ABTB2: variants seen among roughly 807,000 people sequenced by gnomAD.
ABTB2 encodes ankyrin repeat and BTB/POZ domain-containing protein 2.
ABTB2 carries 56 observed loss-of-function variants against 104.1 expected under a neutral mutation model. That is an observed-to-expected ratio of 0.54 (90% CI 0.43 to 0.67). The LOEUF is 0.67. ABTB2 is among the 30% of genes least tolerant of loss of function. The probability of loss-of-function intolerance (pLI) is 0.00; values close to 1 mark genes in which losing one functional copy is unlikely to be tolerated. For synonymous variants in ABTB2, 606 were observed against 608.2 expected (o/e 1.00, Z 0.05); for missense variants, 1,279 against 1,407.7 (o/e 0.91, Z 1.46).
rs769421901 is a variant in ABTB2, at chr11:34,357,077, C to A, written c.507G>T (p.Ala169=). 4 of 1,522,736 alleles carry A rather than the reference C, an allele frequency of 2.6e-6. No individual in the cohort carries two copies. In the East Asian group the frequency reaches 7.4e-5, roughly 28 times the overall value. 94.3% of individuals were successfully genotyped at this position (1,522,736 alleles called of 1,614,324 possible). A position where few individuals can be genotyped will look rare whatever the true frequency, so the allele number is the denominator to read the frequency against. The change falls in exon 1 of 17, where the codon GCG becomes GCT. Residue 169 remains alanine, a synonymous_variant. Coordinates refer to ENST00000435224, the MANE Select transcript of ABTB2 (RefSeq NM_145804.3). ...QSAVRLVHSW[A]LAESCALAAV... is the part of the protein sequence containing the mutation. ...CTGCCAGCGCGCAGCTCTCGGCCAG[C>A]GCCCAGCTGTGCACCAGGCGCACGG... is the stretch of plus-strand genomic sequence containing the variant.
intron 1 of ABTB2, among the ~76,000 whole-genome samples, chr11:34,206,790 C>T (rs778020152): frequency 1.2e-4 from 19 of 152,134 alleles, no homozygotes; most frequent in Non-Finnish European, 2.6e-4. Flanking sequence ...GTCAGTCCTG[C>T]CCTCCTAGCT....
chr11:34,164,588 CGGG>C, intron 9 of ABTB2, 95 bp downstream of exon 9: 1 of 1,337,856 alleles, frequency 7.5e-7, no homozygotes, highest in Non-Finnish European at 9.6e-7. Flanking sequence ...GAAAGGTCTC[CGGG>C]CCTAGCTCTT....
intron 1 of ABTB2, among the ~76,000 whole-genome samples, chr11:34,350,011 G>A (rs557878162): frequency 1.3e-3 from 204 of 152,268 alleles, no homozygotes; most frequent in African/African-American, 4.5e-3. Context: ...GTATGCATAA[G>A]GCACAACCGC....
chr11:34,353,477 C>T (rs1855424811), intron 1 of ABTB2, among the ~76,000 whole-genome samples: 1 of 152,228 alleles, frequency 6.6e-6, no homozygotes. Flanking sequence ...AAATTGGTTT[C>T]TCTACCTCCC....
At chr11:34,167,411 A>AT in intron 6 of ABTB2, 51 bp from the exon 7 acceptor site, 1 of 1,457,448 alleles carries the variant, frequency 6.9e-7, no homozygotes, top group Non-Finnish European at 9.5e-7. Flanking sequence ...GAGCGAAGGG[A>AT]GTACCCTGCA....
intron 1 of ABTB2, among the ~76,000 whole-genome samples, chr11:34,299,909 T>C (rs1002922365): frequency 6.6e-6 from 1 of 152,184 alleles, no homozygotes; most frequent in Non-Finnish European, 1.5e-5. Flanking sequence ...TGTGCTCCAG[T>C]TTCATCTCCG....
chr11:34,166,791 T>C (rs1852806755), intron 7 of ABTB2, among the ~76,000 whole-genome samples: 1 of 152,202 alleles, frequency 6.6e-6, no homozygotes, highest in Non-Finnish European at 1.5e-5. Context: ...GTGGCTTGGC[T>C]CGACGGGTGA....
chr11:34,182,292 T>G (rs1438590599), intron 3 of ABTB2, among the ~76,000 whole-genome samples: 1 of 152,212 alleles, frequency 6.6e-6, no homozygotes, highest in Non-Finnish European at 1.5e-5. Context: ...AGCTCACATC[T>G]TGTACTCATT....
chr11:34,237,053 G>C (rs1024093852), intron 1 of ABTB2, among the ~76,000 whole-genome samples: 4 of 152,068 alleles, frequency 2.6e-5, no homozygotes, highest in Non-Finnish European at 4.4e-5. Flanking sequence ...AGGGGCTTTG[G>C]GGACAGAATA....
intron 3 of ABTB2, among the ~76,000 whole-genome samples, chr11:34,177,699 C>T (rs1426544418): frequency 6.6e-6 from 1 of 152,080 alleles, no homozygotes; most frequent in Non-Finnish European, 1.5e-5. Flanking sequence ...TCCCAAATTG[C>T]TGGCACCACA....
intron 1 of ABTB2, among the ~76,000 whole-genome samples, chr11:34,290,565 G>A (rs1184544240): frequency 1.3e-5 from 2 of 152,236 alleles, no homozygotes; most frequent in African/African-American, 4.8e-5. Flanking sequence ...AGAGTGCCAA[G>A]TGCTGTGGCT....
intron 5 of ABTB2, among the ~76,000 whole-genome samples, chr11:34,170,016 T>C (rs1358323373): frequency 1.3e-5 from 2 of 152,220 alleles, no homozygotes; most frequent in Non-Finnish European, 2.9e-5. Flanking sequence ...TAACTCCCCA[T>C]GCTCTGTGTG....
chr11:34,218,836 A>G (rs1199878138), intron 1 of ABTB2, among the ~76,000 whole-genome samples: 1 of 135,040 alleles, frequency 7.4e-6, no homozygotes, highest in Non-Finnish European at 1.6e-5. Flanking sequence ...ACAAGAGCGA[A>G]ACTCCATCTC....
intron 4 of ABTB2, among the ~76,000 whole-genome samples, chr11:34,172,387 A>AT (rs1417286349): frequency 7.3e-5 from 6 of 82,404 alleles, no homozygotes; most frequent in Non-Finnish European, 1.5e-4. Flanking sequence ...AAAAAAAAAA[A>AT]AAAAAAAAAT....
chr11:34,238,202 T>G (rs560521396), intron 1 of ABTB2, among the ~76,000 whole-genome samples: 48 of 152,310 alleles, frequency 3.2e-4, no homozygotes, highest in African/African-American at 1.2e-3. Flanking sequence ...CCTTTGAACT[T>G]ACTGTTCCTT....
chr11:34,280,056 C>T (rs7949237), intron 1 of ABTB2, among the ~76,000 whole-genome samples: 4,043 of 152,176 alleles, frequency 0.027, 134 homozygotes, highest in African/African-American at 0.081. Flanking sequence ...CAGGCGTGAG[C>T]CACCGTGCCC....
chr11:34,159,342 C>G lies in ABTB2; in HGVS notation c.2651G>C (p.Ser884Thr). ...GTCGCTGATCTCGATGGTCTTGCTGCTGTCCCCATCCTGTTCTGATTTATT... is the reference window on the plus strand; with the variant it reads ...GTCGCTGATCTCGATGGTCTTGCTGGTGTCCCCATCCTGTTCTGATTTATT... Reference protein sequence around the residue: ...MTNKSEQDGDSSKTIEISDMK... With the variant: ...MTNKSEQDGDTSKTIEISDMK... The change falls in exon 14 of 17, where the codon AGC (serine) becomes ACC (threonine). Residue 884 changes from serine to threonine, a missense_variant. Coordinates refer to ENST00000435224, the MANE Select transcript of ABTB2 (RefSeq NM_145804.3). The G allele has an allele frequency of 6.2e-7, 1 of 1,614,024 alleles. No individual in the cohort carries two copies. The highest frequency in any genetic ancestry group is 8.5e-7 in the Non-Finnish European group (1 of 1,179,932).
intron 1 of ABTB2, among the ~76,000 whole-genome samples, chr11:34,233,063 T>C (rs771209881): frequency 6.6e-6 from 1 of 150,556 alleles, no homozygotes; most frequent in African/African-American, 2.5e-5. Context: ...CCTGTCATAG[T>C]GGTTTGGTCC....
At chr11:34,214,243 T>G (rs1853522404) in intron 1 of ABTB2, among the ~76,000 whole-genome samples, 1 of 151,642 alleles carries the variant, frequency 6.6e-6, no homozygotes, top group Non-Finnish European at 1.5e-5. Flanking sequence ...ATATCAGCCT[T>G]CTTCTCAACA....
Sources: gnomAD v4.1 joint callset for allele counts (sites outside exome capture counted in the v4.1 genomes callset) on GRCh38, gnomAD v4.1.1 for gene constraint, MANE v1.5 for transcripts, NCBI Gene and HGNC (gene_info 2026-07-23, HGNC 2026-07-21) for gene names.